Variants in LDB2 observed in about 807,000 individuals in gnomAD.
LDB2 encodes the protein LIM domain-binding protein 2.
A neutral mutation model predicts 44.3 loss-of-function variants in LDB2; 12 were observed. The ratio of observed to expected loss-of-function variants is 0.27; its 90% confidence interval spans 0.17 to 0.44. LDB2 has a LOEUF of 0.44. LDB2 is among the 20% of genes least tolerant of loss of function. LDB2 has a pLI of 1.00. For missense variants in LDB2, 344 were observed against 473.5 expected, an observed-to-expected ratio of 0.73 and a Z score of 2.54; for synonymous variants, 164 against 174.8, an observed-to-expected ratio of 0.94 and a Z score of 0.49.
intron 2 of LDB2, among the ~76,000 whole-genome samples, chr4:16,637,773 C>T (rs1734018119): frequency 1.3e-5 from 2 of 152,076 alleles, no homozygotes; most frequent in South Asian, 2.1e-4. Flanking sequence ...ATTATGAAGA[C>T]TTCTTCTTCC....
chr4:16,561,422 T>C (rs1373221333), intron 5 of LDB2, among the ~76,000 whole-genome samples: 1 of 152,042 alleles, frequency 6.6e-6, no homozygotes, highest in Non-Finnish European at 1.5e-5. Flanking sequence ...TATACACCCA[T>C]AACACACAAA....
At chr4:16,896,781 A>G (rs906860754) in intron 1 of LDB2, among the ~76,000 whole-genome samples, 1 of 152,178 alleles carries the variant, frequency 6.6e-6, no homozygotes, top group Non-Finnish European at 1.5e-5. Context: ...GTGTCAACCA[A>G]TGGTTTATGC....
intron 5 of LDB2, among the ~76,000 whole-genome samples, chr4:16,536,818 G>T (rs1211362489): frequency 1.3e-5 from 2 of 152,186 alleles, no homozygotes; most frequent in Admixed American, 6.5e-5. Flanking sequence ...AAACAAGTGG[G>T]TGTTAATCCC....
chr4:16,621,623 G>T (rs958224771), intron 2 of LDB2, among the ~76,000 whole-genome samples: 1 of 152,128 alleles, frequency 6.6e-6, no homozygotes, highest in Non-Finnish European at 1.5e-5. Context: ...TGCAATCATA[G>T]TTCACTGCAA....
intron 5 of LDB2, among the ~76,000 whole-genome samples, chr4:16,529,199 A>AT (rs1729283780): frequency 6.6e-6 from 1 of 151,866 alleles, no homozygotes; most frequent in Non-Finnish European, 1.5e-5. Flanking sequence ...TTGGGACTCA[A>AT]TAGATTTGTC....
rs72619117 is a variant in LDB2, at chr4:16,554,540, G to T, written c.615+31382C>A. On this transcript the variant is annotated intron_variant, in intron 5 of 7. Transcript: ENST00000304523. ...GCTTGGCTACATGTTGGAATCACCT[G>T]GGAAGCTTTAAAATGCACTGATGCA... 0.021 allele frequency among the ~76,000 whole-genome samples: 3,262 copies of T among 152,158 alleles called. 217 individuals carry two copies. In the East Asian group the frequency reaches 0.24, roughly 11 times the overall value.
chr4:16,706,714 G>A (rs980201412), intron 2 of LDB2, among the ~76,000 whole-genome samples: 7 of 152,190 alleles, frequency 4.6e-5, no homozygotes, highest in Non-Finnish European at 1.0e-4. Context: ...TAACTCAAAC[G>A]TAGAAGAAAT....
intron 5 of LDB2, among the ~76,000 whole-genome samples, chr4:16,580,179 G>A (rs543480791): frequency 3.5e-4 from 53 of 152,274 alleles, no homozygotes; most frequent in South Asian, 1.7e-3. Flanking sequence ...TAGGTGGTTC[G>A]TGTGGTCCAG....
At chr4:16,636,999 T>C (rs556577518) in intron 2 of LDB2, among the ~76,000 whole-genome samples, 16 of 152,342 alleles carry the variant, frequency 1.1e-4, no homozygotes, top group South Asian at 2.1e-4. Flanking sequence ...TCTGCCTTCA[T>C]TGAAATCAGA....
intron 2 of LDB2, among the ~76,000 whole-genome samples, chr4:16,746,223 A>G (rs1022671548): frequency 6.6e-6 from 1 of 152,242 alleles, no homozygotes; most frequent in Non-Finnish European, 1.5e-5. Flanking sequence ...ACTGTAAAGC[A>G]TTATTAGAAT....
intron 2 of LDB2, among the ~76,000 whole-genome samples, chr4:16,664,125 T>C (rs1171599431): frequency 6.6e-6 from 1 of 152,146 alleles, no homozygotes; most frequent in African/African-American, 2.4e-5. Context: ...AAGATGATGG[T>C]ATTAGGAGGC....
intron 2 of LDB2, among the ~76,000 whole-genome samples, chr4:16,679,244 G>T (rs1303716743): frequency 6.6e-6 from 1 of 152,008 alleles, no homozygotes; most frequent in African/African-American, 2.4e-5. Flanking sequence ...TTTAATTTTT[G>T]ATGTGATGTC....
At chr4:16,685,520 C>T (rs1749019867) in intron 2 of LDB2, among the ~76,000 whole-genome samples, 1 of 152,138 alleles carries the variant, frequency 6.6e-6, no homozygotes, top group South Asian at 2.1e-4. Context: ...TCCATCTCCT[C>T]ACCTGTTGAA....
At chr4:16,689,845 C>T (rs528128334) in intron 2 of LDB2, among the ~76,000 whole-genome samples, 6 of 152,316 alleles carry the variant, frequency 3.9e-5, no homozygotes, top group Admixed American at 1.3e-4. Context: ...AAATATTATA[C>T]AACCTAATGA....
At chr4:16,704,799 C>A (rs1011468646) in intron 2 of LDB2, among the ~76,000 whole-genome samples, 10 of 152,304 alleles carry the variant, frequency 6.6e-5, no homozygotes, top group Admixed American at 1.3e-4. Flanking sequence ...AACTTCCCTC[C>A]ACGTGGAAGC....
At chr4:16,508,433 G>C in intron 7 of LDB2, 102 bp downstream of exon 7, 1 of 1,097,106 alleles carries the variant, frequency 9.1e-7, no homozygotes, top group Non-Finnish European at 1.2e-6. Flanking sequence ...AACCTGCCCA[G>C]GATTTTTTTT....
chr4:16,882,993 G>A (rs1462149221), intron 1 of LDB2, among the ~76,000 whole-genome samples: 1 of 152,200 alleles, frequency 6.6e-6, no homozygotes, highest in African/African-American at 2.4e-5. Context: ...TTCTGCATTT[G>A]CATTTCGAGC....
intron 1 of LDB2, among the ~76,000 whole-genome samples, chr4:16,832,048 C>A (rs1228291911): frequency 6.6e-6 from 1 of 152,190 alleles, no homozygotes; most frequent in Non-Finnish European, 1.5e-5. Flanking sequence ...CAAAACTTCA[C>A]AACAAAACTT....
At position 16,586,355 on chromosome 4, in the gene LDB2, G is replaced by A. The variant is rs558808240; in HGVS notation, c.532-350C>T. On this transcript the variant is annotated intron_variant, in intron 4 of 7. Transcript: ENST00000304523. ...AGCTCCAGGTCTAACGCCCTCATTA[G>A]AGAAGCCAGTCCCCCTGGACTGGGC... is the stretch of plus-strand genomic sequence containing the variant. Among the ~76,000 whole-genome samples the A allele has an allele frequency of 3.9e-5, 6 of 152,190 alleles. No homozygotes were observed. The South Asian group carries it at 1.2e-3, about 32-fold the overall frequency.
Sources: allele counts gnomAD v4.1 joint callset (sites outside exome capture counted in the v4.1 genomes callset), GRCh38; gene constraint gnomAD v4.1.1; transcripts MANE v1.5; gene names NCBI Gene and HGNC (gene_info 2026-07-23, HGNC 2026-07-21).